Variants in STXBP5L observed in about 807,000 individuals in gnomAD.
STXBP5L encodes syntaxin binding protein 5L.
STXBP5L carries 65 observed loss-of-function variants against 144.5 expected under a neutral mutation model. The observed-to-expected ratio is 0.45, with a 90% CI of 0.37 to 0.55. STXBP5L has a LOEUF of 0.55. STXBP5L is among the 20% of genes least tolerant of loss of function. The probability of loss-of-function intolerance (pLI) is 0.00; values close to 1 mark genes in which losing one functional copy is unlikely to be tolerated. For synonymous variants in STXBP5L, 505 were observed against 469.6 expected (o/e 1.08, Z -0.97); for missense variants, 1,298 against 1,405.5 (o/e 0.92, Z 1.22).
chr3:121,087,451 C>T (rs1024505528), intron 5 of STXBP5L, among the ~76,000 whole-genome samples: 2 of 151,902 alleles, frequency 1.3e-5, no homozygotes, highest in African/African-American at 4.8e-5. Context: ...CTCATAATTT[C>T]CTTTACTGTG....
intron 3 of STXBP5L, among the ~76,000 whole-genome samples, chr3:120,961,323 G>T (rs186342668): frequency 1.3e-5 from 2 of 148,666 alleles, no homozygotes; most frequent in Non-Finnish European, 3.0e-5. Flanking sequence ...CGTGCACAAC[G>T]TGCAGGTTTG....
intron 9 of STXBP5L, among the ~76,000 whole-genome samples, chr3:121,170,601 A>T (rs975747647): frequency 1.3e-5 from 2 of 152,244 alleles, no homozygotes; most frequent in East Asian, 1.9e-4. Context: ...GAAGAAATGG[A>T]TAAATTCCTA....
At chr3:121,325,446 T>A (rs1279269978) in intron 20 of STXBP5L, among the ~76,000 whole-genome samples, 2 of 152,010 alleles carry the variant, frequency 1.3e-5, no homozygotes, top group Admixed American at 6.6e-5. Flanking sequence ...TTTTCCCTAG[T>A]GTTCGTTAAT....
rs1159625112 is a variant in STXBP5L, at chr3:121,313,083, CG to C, written c.2111-5386del. 1.6e-4 allele frequency among the ~76,000 whole-genome samples: 23 copies of C among 141,386 alleles called. No homozygotes were observed. The East Asian group carries it at 2.9e-3, about 18-fold the overall frequency. The allele number at this position is 141,386 out of a possible 152,430, so 92.8% of individuals were successfully genotyped here. On this transcript the variant is annotated intron_variant, in intron 19 of 26. Coordinates refer to ENST00000471454, the MANE Select transcript of STXBP5L (RefSeq NM_001308330.2). ...CTCCCGGATGGGGCGGCTGGCCGGG[CG>C]GGGGGCTGACCCCCCCACCACCCTC... is the stretch of plus-strand genomic sequence containing the variant.
rs867116211 is a variant in STXBP5L at position 121,088,179 on chromosome 3, C to T, written c.471-26746C>T. On this transcript the variant is annotated intron_variant, in intron 5 of 26. Transcript: ENST00000471454. The stretch of plus-strand genomic sequence containing the variant: ...AAACTACAACATGGGAGAAAATTTT[C>T]GCAACCTACTCATCTGACAAAGGGC... Among the ~76,000 whole-genome samples, 59 of 146,232 alleles carry T rather than the reference C, an allele frequency of 4.0e-4. No individual in the cohort carries two copies. In the Middle Eastern group the frequency reaches 0.014, roughly 34 times the overall value.
chr3:121,306,052 G>T (rs1385264109), intron 19 of STXBP5L, among the ~76,000 whole-genome samples: 1 of 152,158 alleles, frequency 6.6e-6, no homozygotes, highest in African/African-American at 2.4e-5. Context: ...GCAGCCTGAG[G>T]AGTATCATAG....
At chr3:121,397,200 G>A (rs900933567) in intron 22 of STXBP5L, among the ~76,000 whole-genome samples, 26 of 152,342 alleles carry the variant, frequency 1.7e-4, no homozygotes, top group African/African-American at 6.0e-4. Flanking sequence ...CAGCTAAGGG[G>A]ATAGTAAAGA....
intron 3 of STXBP5L, among the ~76,000 whole-genome samples, chr3:121,038,413 G>A (rs1489298553): frequency 6.6e-6 from 1 of 151,716 alleles, no homozygotes; most frequent in Non-Finnish European, 1.5e-5. Flanking sequence ...CATTTGGAGG[G>A]TTTTCTGGAT....
intron 3 of STXBP5L, among the ~76,000 whole-genome samples, chr3:120,990,099 C>T (rs1942688740): frequency 6.6e-6 from 1 of 152,132 alleles, no homozygotes; most frequent in African/African-American, 2.4e-5. Context: ...TGATAGGCAA[C>T]TTCAGCAAAG....
At chr3:121,287,556 C>T (rs142723117) in intron 19 of STXBP5L, among the ~76,000 whole-genome samples, 15 of 151,586 alleles carry the variant, frequency 9.9e-5, no homozygotes, top group South Asian at 2.1e-4. Context: ...ATGGGCCGGG[C>T]GCGGTGGCTC....
At chr3:121,360,505 A>G (rs1362078613) in intron 20 of STXBP5L, among the ~76,000 whole-genome samples, 2 of 151,902 alleles carry the variant, frequency 1.3e-5, no homozygotes, top group African/African-American at 2.4e-5. Context: ...TCAAGTGAAC[A>G]TGATATTTTT....
At chr3:121,236,774 C>T (rs1486833549) in intron 12 of STXBP5L, among the ~76,000 whole-genome samples, 2 of 152,142 alleles carry the variant, frequency 1.3e-5, no homozygotes, top group Non-Finnish European at 2.9e-5. Flanking sequence ...GTTCAAAGTC[C>T]GAAGTCTCAT....
intron 3 of STXBP5L, among the ~76,000 whole-genome samples, chr3:121,006,461 G>C (rs1009230710): frequency 1.1e-4 from 16 of 152,116 alleles, no homozygotes; most frequent in Admixed American, 1.0e-3. Context: ...CACGTGAGAT[G>C]GGTTTCCTCA....
chr3:121,318,354 G>A, intron 19 of STXBP5L, 121 bp from the exon 20 acceptor site: 1 of 505,048 alleles, frequency 2.0e-6, no homozygotes, highest in South Asian at 4.1e-5. Context: ...GACGTAACTT[G>A]GACATGATAA....
At chr3:121,029,660 C>G (rs1946220006) in intron 3 of STXBP5L, among the ~76,000 whole-genome samples, 1 of 152,028 alleles carries the variant, frequency 6.6e-6, no homozygotes, top group Non-Finnish European at 1.5e-5. Context: ...GCAATGGCAA[C>G]AAAAGGCAAA....
intron 20 of STXBP5L, among the ~76,000 whole-genome samples, chr3:121,335,714 A>G (rs924350216): frequency 1.3e-5 from 2 of 152,148 alleles, no homozygotes; most frequent in Admixed American, 1.3e-4. Flanking sequence ...CTGGCTAGCT[A>G]AATGCAGAAG....
At chr3:120,958,313 G>C (rs907374738) in intron 3 of STXBP5L, among the ~76,000 whole-genome samples, 1 of 152,060 alleles carries the variant, frequency 6.6e-6, no homozygotes, top group African/African-American at 2.4e-5. Context: ...ATTCACAGCC[G>C]AATTCTACCA....
intron 9 of STXBP5L, among the ~76,000 whole-genome samples, chr3:121,197,408 A>G (rs542566339): frequency 6.6e-6 from 1 of 152,214 alleles, no homozygotes; most frequent in Non-Finnish European, 1.5e-5. Context: ...TATTTTCCAT[A>G]TGTTCATGCC....
intron 20 of STXBP5L, among the ~76,000 whole-genome samples, chr3:121,366,573 G>C (rs758809156): frequency 2.0e-5 from 3 of 151,814 alleles, no homozygotes; most frequent in Non-Finnish European, 4.4e-5. Flanking sequence ...ACTCTGTTTT[G>C]GATACCATTT....
Sources: gnomAD v4.1 joint callset for allele counts (sites outside exome capture counted in the v4.1 genomes callset) on GRCh38, gnomAD v4.1.1 for gene constraint, MANE v1.5 for transcripts, NCBI Gene and HGNC (gene_info 2026-07-23, HGNC 2026-07-21) for gene names.